The following ADK variants were observed in gnomAD, a reference collection of about 807,000 sequenced individuals.
ADK encodes the protein adenosine kinase.
Under a neutral mutation model 44.7 loss-of-function variants are expected in ADK, and 24 were observed. The ratio of observed to expected loss-of-function variants is 0.54; its 90% CI spans 0.39 to 0.76. The LOEUF (loss-of-function observed/expected upper bound fraction) is 0.76. Ranked by LOEUF, ADK falls within the 30% of genes least tolerant of loss-of-function variation. The pLI is 0.00. For synonymous variants in ADK, 128 were observed against 142.6 expected (o/e 0.90, Z 0.73); for missense variants, 321 against 425.1 (o/e 0.76, Z 2.15).
At chr10:74,664,867 C>T (rs995526315) in intron 9 of ADK, among the ~76,000 whole-genome samples, 2 of 152,088 alleles carry the variant, frequency 1.3e-5, no homozygotes, top group African/African-American at 4.8e-5. Flanking sequence ...ATATGTGATT[C>T]TGGACTGAAT....
chr10:74,294,261 G>A (rs539258971), intron 3 of ADK, among the ~76,000 whole-genome samples: 19 of 151,554 alleles, frequency 1.3e-4, no homozygotes, highest in African/African-American at 4.6e-4. Flanking sequence ...GTCTTTTGGT[G>A]CTCATATGCA....
intron 4 of ADK, among the ~76,000 whole-genome samples, chr10:74,365,804 C>T (rs1215383845): frequency 6.6e-6 from 1 of 152,140 alleles, no homozygotes; most frequent in Non-Finnish European, 1.5e-5. Context: ...ACAACATCTA[C>T]AATAAGATAA....
intron 3 of ADK, among the ~76,000 whole-genome samples, chr10:74,245,165 A>G (rs531939797): frequency 5.3e-5 from 8 of 152,350 alleles, no homozygotes; most frequent in Non-Finnish European, 2.9e-5. Flanking sequence ...CTGGAAGGGT[A>G]CATGTATAAC....
At position 74,589,905 on chromosome 10, in the gene ADK, T is replaced by C. The variant is rs1213045386; in HGVS notation, c.762+588T>C. ...GGGGAGACGGAGGTAGCATAAAATA[T>C]ACATACATTTTCTGAAATAAAATAT... On this transcript the variant is annotated intron_variant, in intron 8 of 10. Transcript: ENST00000539909. Among the ~76,000 whole-genome samples, 4 of 152,362 alleles carry C rather than the reference T, an allele frequency of 2.6e-5. No homozygotes were observed. In the East Asian group the frequency reaches 7.7e-4, roughly 29 times the overall value.
chr10:74,232,518 T>G, intron 3 of ADK, among the ~76,000 whole-genome samples: 1 of 135,610 alleles, frequency 7.4e-6, no homozygotes, highest in African/African-American at 2.7e-5. Context: ...TGAGAACCCG[T>G]CTCAAAAAAC....
chr10:74,609,008 G>A (rs1456143665), intron 9 of ADK, among the ~76,000 whole-genome samples: 1 of 152,038 alleles, frequency 6.6e-6, no homozygotes, highest in Non-Finnish European at 1.5e-5. Flanking sequence ...CTTTTTTTGC[G>A]AACTTTGTTT....
intron 9 of ADK, chr10:74,655,596 T>A (rs769246666): frequency 6.7e-5 from 31 of 459,668 alleles, no homozygotes; most frequent in Non-Finnish European, 1.3e-4. Flanking sequence ...ACTGTGAAAC[T>A]GAAAGAGGAG....
At chr10:74,371,509 C>A (rs143517127) in intron 4 of ADK, 2 of 740,206 alleles carry the variant, frequency 2.7e-6, no homozygotes, top group East Asian at 2.7e-5. Flanking sequence ...GGATTCCCAT[C>A]GTAGCTTAAA....
chr10:74,180,118 A>G (rs1842478474), intron 1 of ADK, among the ~76,000 whole-genome samples: 1 of 152,004 alleles, frequency 6.6e-6, no homozygotes, highest in South Asian at 2.1e-4. Flanking sequence ...AGAATACAGG[A>G]TTGGAAATCA....
chr10:74,674,547 C>T (rs147095015), intron 10 of ADK, among the ~76,000 whole-genome samples: 12 of 152,012 alleles, frequency 7.9e-5, no homozygotes, highest in African/African-American at 2.7e-4. Flanking sequence ...AGGCCCTGCC[C>T]GTATGGAAAA....
At chr10:74,649,235 A>G (rs1459527267) in intron 9 of ADK, among the ~76,000 whole-genome samples, 1 of 152,220 alleles carries the variant, frequency 6.6e-6, no homozygotes, top group Non-Finnish European at 1.5e-5. Context: ...AAGAAATAAA[A>G]TAAGAAATAA....
At chr10:74,166,476 C>T (rs529865469) in intron 1 of ADK, among the ~76,000 whole-genome samples, 16 of 152,186 alleles carry the variant, frequency 1.1e-4, no homozygotes, top group South Asian at 8.3e-4. Flanking sequence ...TGTGCCACCA[C>T]GCCCAACTAA....
At chr10:74,487,324 A>G (rs1847300993) in intron 6 of ADK, among the ~76,000 whole-genome samples, 1 of 151,638 alleles carries the variant, frequency 6.6e-6, no homozygotes, top group African/African-American at 2.4e-5. Context: ...TGAATGATTG[A>G]TAGGGGACAA....
chr10:74,402,601 T>C (rs920160312), intron 6 of ADK, among the ~76,000 whole-genome samples: 9 of 152,192 alleles, frequency 5.9e-5, no homozygotes, highest in Non-Finnish European at 1.3e-4. Flanking sequence ...CATCAGGTCA[T>C]TTAAGGTCTT....
chr10:74,572,208 A>G (rs1033479831), intron 7 of ADK, among the ~76,000 whole-genome samples: 1 of 152,168 alleles, frequency 6.6e-6, no homozygotes, highest in African/African-American at 2.4e-5. Context: ...GATGGTGACA[A>G]AATCTCTCAG....
chr10:74,236,622 A>G (rs560570474), intron 3 of ADK, among the ~76,000 whole-genome samples: 1 of 152,354 alleles, frequency 6.6e-6, no homozygotes, highest in Non-Finnish European at 1.5e-5. Context: ...TTCATTATCC[A>G]TAAACCACTT....
intron 3 of ADK, among the ~76,000 whole-genome samples, chr10:74,242,096 T>C (rs895006059): frequency 6.6e-6 from 1 of 152,260 alleles, no homozygotes; most frequent in African/African-American, 2.4e-5. Context: ...ACCAAACATA[T>C]TGTTCTTATG....
intron 7 of ADK, among the ~76,000 whole-genome samples, chr10:74,553,317 C>T (rs1357107111): frequency 6.7e-6 from 1 of 150,346 alleles, no homozygotes; most frequent in Non-Finnish European, 1.5e-5. Flanking sequence ...TCTCCTGCCT[C>T]AGCCTCCCAA....
chr10:74,266,549 C>G (rs923730578), intron 3 of ADK, among the ~76,000 whole-genome samples: 1 of 151,576 alleles, frequency 6.6e-6, no homozygotes, highest in African/African-American at 2.4e-5. Flanking sequence ...GAGCAGGACT[C>G]TGCTTCAAAA....
Sources: gnomAD v4.1 joint callset for allele counts (sites outside exome capture counted in the v4.1 genomes callset) on GRCh38, gnomAD v4.1.1 for gene constraint, MANE v1.5 for transcripts, NCBI Gene and HGNC (gene_info 2026-07-23, HGNC 2026-07-21) for gene names.